Variants in WRN observed in about 807,000 individuals in gnomAD.
WRN encodes WRN RecQ like helicase, also known as bifunctional 3'-5' exonuclease/ATP-dependent helicase WRN.
Under a neutral mutation model 180.7 loss-of-function variants are expected in WRN, and 149 were observed. The ratio of observed to expected loss-of-function variants is 0.82; its 90% confidence interval spans 0.72 to 0.94. The LOEUF is 0.94. Ranked by LOEUF, WRN falls within the 40% of genes least tolerant of loss-of-function variation. The pLI, the probability that WRN is intolerant of heterozygous loss-of-function variation, is 0.00. For missense variants in WRN, 1,661 were observed against 1,700.1 expected, an observed-to-expected ratio of 0.98 and a Z score of 0.40; for synonymous variants, 548 against 568.9, an observed-to-expected ratio of 0.96 and a Z score of 0.52.
At chr8:31,151,707 G>C (rs1421827195) in intron 31 of WRN, among the ~76,000 whole-genome samples, 1 of 152,076 alleles carries the variant, frequency 6.6e-6, no homozygotes. Context: ...AAATGAAGTA[G>C]GGGAAAAGGT....
chr8:31,113,716 C>T (rs1462308411), intron 19 of WRN, among the ~76,000 whole-genome samples: 1 of 152,152 alleles, frequency 6.6e-6, no homozygotes, highest in Non-Finnish European at 1.5e-5. Flanking sequence ...TTCTGACGTC[C>T]TGGTCCTCTT....
intron 1 of WRN, among the ~76,000 whole-genome samples, chr8:31,042,736 A>G (rs1254189782): frequency 6.6e-6 from 1 of 152,228 alleles, no homozygotes; most frequent in Non-Finnish European, 1.5e-5. Context: ...GCAGAGAAGT[A>G]GAGTACTCTA....
At chr8:31,094,065 G>C (rs750473149) in intron 16 of WRN, among the ~76,000 whole-genome samples, 3 of 152,066 alleles carry the variant, frequency 2.0e-5, no homozygotes, top group African/African-American at 7.2e-5. Context: ...ATGAACATTC[G>C]TATGTAAGTC....
chr8:31,096,986 T>G, intron 17 of WRN, 136 bp downstream of exon 17: 1 of 824,226 alleles, frequency 1.2e-6, no homozygotes, highest in Non-Finnish European at 2.0e-6. Flanking sequence ...TCTGACTCTC[T>G]AACTTGCTGT....
chr8:31,070,188 T>C (rs1400270560), intron 7 of WRN, among the ~76,000 whole-genome samples: 1 of 151,716 alleles, frequency 6.6e-6, no homozygotes, highest in Non-Finnish European at 1.5e-5. Flanking sequence ...TGCACCAACC[T>C]AATAACTAAG....
Position 31,106,458 on chromosome 8 carries a change from C to T in WRN, c.2089-5157C>T, listed in dbSNP as rs369073522. Among the ~76,000 whole-genome samples the T allele has an allele frequency of 7.2e-5, 11 of 152,252 alleles. No individual in the cohort carries two copies. The East Asian group carries it at 1.7e-3, about 24-fold the overall frequency. On this transcript the variant is annotated intron_variant, in intron 18 of 34. Transcript: ENST00000298139. ...TCTGGCCTTCCATTTTCCCTCTGAT[C>T]TCATTCTCTACTGGTCTCCTCATTC...
At chr8:31,133,527 TAAAA>T (rs991410578) in intron 24 of WRN, among the ~76,000 whole-genome samples, 14 of 138,922 alleles carry the variant, frequency 1.0e-4, no homozygotes, top group Admixed American at 5.1e-4. Flanking sequence ...TCTGTCTCAA[TAAAA>T]AAAAAAAAAG....
rs181033722 is a variant in WRN at position 31,081,052 on chromosome 8, T to C, written c.1025T>C (p.Val342Ala). 5 of 1,613,972 alleles carry C rather than the reference T, an allele frequency of 3.1e-6. No individual in the cohort carries two copies. Among genetic ancestry groups the C allele is most frequent in the Non-Finnish European group, 4.2e-6 (5 of 1,179,952 alleles). Reference sequence around the variant, plus strand: ...AGAGAACATGAAGTTTTAATTCACGTTGAAGATGAAACATGGGACCCAACA... The same window carrying C: ...AGAGAACATGAAGTTTTAATTCACGCTGAAGATGAAACATGGGACCCAACA... ...QIREHEVLIH[V>A]EDETWDPTLD... is the part of the protein sequence containing the mutation. Residue 342 changes from valine (V) to alanine (A), a missense_variant, in exon 9 of 35, where the codon GTT becomes GCT. Transcript: ENST00000298139.
At chr8:31,045,153 TA>T (rs1811810040) in intron 1 of WRN, among the ~76,000 whole-genome samples, 1 of 152,258 alleles carries the variant, frequency 6.6e-6, no homozygotes, top group African/African-American at 2.4e-5. Context: ...TCCTTCATCG[TA>T]TGTCAAATTT....
chr8:31,174,821 C>CTTCCTTCCT lies in WRN; in HGVS notation c.*1720_*1721insTCCTTCCTT, dbSNP rs1563397653. ...CCTTCCTTCCTTCCTTCCTTCCTTC[C>CTTCCTTCCT]TCCCTCCCTCCCTCCCTCCCTCCCT... On this transcript the variant is annotated 3_prime_UTR_variant, in exon 35 of 35. Coordinates refer to ENST00000298139, the MANE Select transcript of WRN (RefSeq NM_000553.6). Among the ~76,000 whole-genome samples the CTTCCTTCCT allele has an allele frequency of 1.9e-5, 1 of 52,872 alleles. No individual in the cohort carries two copies. Among genetic ancestry groups the CTTCCTTCCT allele is most frequent in the African/African-American group, 5.9e-5 (1 of 17,006 alleles). The allele number at this position is 52,872 out of a possible 152,430, so 34.7% of individuals were successfully genotyped here. A position where few individuals can be genotyped will look rare whatever the true frequency, so the allele number is the denominator to read the frequency against.
At chr8:31,060,544 GACAA>G (rs778533447) in intron 3 of WRN, among the ~76,000 whole-genome samples, 6 of 152,128 alleles carry the variant, frequency 3.9e-5, no homozygotes, top group African/African-American at 4.8e-5. Context: ...GTCTCAAACA[GACAA>G]ACAAACAAAC....
intron 11 of WRN, 187 bp from the exon 12 acceptor site, chr8:31,087,589 C>A: frequency 5.4e-6 from 3 of 559,596 alleles, no homozygotes; most frequent in East Asian, 3.2e-5. Context: ...TTTGGCCTTG[C>A]GCCTTAGAAA....
chr8:31,093,381 G>A (rs957749965), intron 16 of WRN, among the ~76,000 whole-genome samples: 8 of 152,144 alleles, frequency 5.3e-5, no homozygotes, highest in African/African-American at 9.7e-5. Context: ...GATTACAGGC[G>A]TGAACCACCG....
intron 9 of WRN, among the ~76,000 whole-genome samples, chr8:31,082,291 G>A (rs1033513801): frequency 1.2e-4 from 18 of 152,082 alleles, no homozygotes; most frequent in Admixed American, 9.2e-4. Context: ...TAAAAAATTA[G>A]ATTTGACCAT....
intron 28 of WRN, among the ~76,000 whole-genome samples, chr8:31,145,867 T>C (rs982045868): frequency 2.6e-5 from 4 of 152,070 alleles, no homozygotes; most frequent in Non-Finnish European, 5.9e-5. Context: ...ACATACTGAG[T>C]TTGGGATACC....
intron 16 of WRN, among the ~76,000 whole-genome samples, chr8:31,092,497 A>G (rs1813788949): frequency 6.6e-6 from 1 of 151,848 alleles, no homozygotes; most frequent in Admixed American, 6.6e-5. Flanking sequence ...GTACACTTAT[A>G]TATACATACA....
intron 24 of WRN, among the ~76,000 whole-genome samples, chr8:31,135,013 C>T (rs1048285998): frequency 4.6e-5 from 7 of 152,064 alleles, no homozygotes; most frequent in South Asian, 2.1e-4. Flanking sequence ...CCGTCCTCCC[C>T]CAAGCCCCCC....
rs1813600886 is a variant in WRN at position 31,087,930 on chromosome 8, G to A, written c.1576+10G>A. On this transcript the variant is annotated intron_variant, in intron 12 of 34. Transcript: ENST00000298139. The stretch of plus-strand genomic sequence containing the variant: ...GAAGATGATGATAAGGGTAAGCACT[G>A]AAGTATGTTTGAAATGACTCACCTG... The A allele has an allele frequency of 6.2e-7, 1 of 1,611,514 alleles. No individual in the cohort carries two copies. The highest frequency in any genetic ancestry group is 8.5e-7 in the Non-Finnish European group (1 of 1,178,614).
At chr8:31,079,285 T>G (rs1328742451) in intron 8 of WRN, among the ~76,000 whole-genome samples, 2 of 152,170 alleles carry the variant, frequency 1.3e-5, no homozygotes, top group African/African-American at 4.8e-5. Context: ...TTTTGATAGT[T>G]TATTCCCATG....
Sources: gnomAD v4.1 joint callset for allele counts (sites outside exome capture counted in the v4.1 genomes callset) on GRCh38, gnomAD v4.1.1 for gene constraint, MANE v1.5 for transcripts, NCBI Gene and HGNC (gene_info 2026-07-23, HGNC 2026-07-21) for gene names.